Variants in IMPG2 observed in about 807,000 individuals in gnomAD.
IMPG2 encodes the protein IPM 200.
IMPG2 carries 91 observed loss-of-function variants against 129.2 expected under a neutral mutation model. The ratio of observed to expected loss-of-function variants is 0.70; its 90% CI spans 0.59 to 0.84. IMPG2 has a LOEUF of 0.84. IMPG2 is among the 40% of genes least tolerant of loss of function. The pLI is 0.00. For missense variants in IMPG2, 1,430 were observed against 1,461.7 expected (o/e 0.98, Z 0.35); for synonymous variants, 510 against 517.7 (o/e 0.99, Z 0.20).
At chr3:101,319,858 C>A in intron 1 of IMPG2, 26 bp from the exon 2 acceptor site, 1 of 1,604,864 alleles carries the variant, frequency 6.2e-7, no homozygotes, top group South Asian at 1.1e-5. Flanking sequence ...ATAGTCAAGT[C>A]TTCGATAATG....
chr3:101,256,158 AAAGAAAG>A, intron 10 of IMPG2, among the ~76,000 whole-genome samples: 1 of 128,690 alleles, frequency 7.8e-6, no homozygotes, highest in Non-Finnish European at 1.7e-5. Flanking sequence ...AGAAAGAAAG[AAAGAAAG>A]AAAGAAAGAA....
At chr3:101,265,495 T>A (rs1407100043) in intron 9 of IMPG2, among the ~76,000 whole-genome samples, 5 of 152,126 alleles carry the variant, frequency 3.3e-5, no homozygotes, top group Non-Finnish European at 5.9e-5. Flanking sequence ...GATATCCATA[T>A]GCAGAAGAAT....
chr3:101,230,807 C>A, intron 16 of IMPG2, 150 bp downstream of exon 16: 3 of 700,486 alleles, frequency 4.3e-6, no homozygotes, highest in East Asian at 5.4e-5. Context: ...ATTTGACACC[C>A]CTTTGAGGAC....
intron 4 of IMPG2, among the ~76,000 whole-genome samples, chr3:101,279,377 A>G (rs1185276529): frequency 6.6e-6 from 1 of 152,182 alleles, no homozygotes; most frequent in Non-Finnish European, 1.5e-5. Context: ...TATGTAAAAT[A>G]GGCCCACTGG....
At chr3:101,284,045 A>G (rs547413851) in intron 4 of IMPG2, among the ~76,000 whole-genome samples, 72 of 152,318 alleles carry the variant, frequency 4.7e-4, no homozygotes, top group Non-Finnish European at 7.9e-4. Context: ...GATTCGAGAT[A>G]TATTTTGAAT....
chr3:101,292,174 A>G (rs1162285053), intron 3 of IMPG2, among the ~76,000 whole-genome samples: 1 of 152,204 alleles, frequency 6.6e-6, no homozygotes, highest in African/African-American at 2.4e-5. Flanking sequence ...CCTCATCAGT[A>G]AAACAAAGAG....
At chr3:101,285,578 C>T (rs2107121605) in intron 4 of IMPG2, among the ~76,000 whole-genome samples, 1 of 152,252 alleles carries the variant, frequency 6.6e-6, no homozygotes, top group East Asian at 1.9e-4. Flanking sequence ...ATTGCATGGA[C>T]TCACAGCCAG....
Position 101,225,148 on chromosome 3 carries a change from A to T in IMPG2, c.*1821T>A, listed in dbSNP as rs1396046163. The T allele has an allele frequency of 6.6e-6, 1 of 152,272 alleles. No individual in the cohort carries two copies. The highest frequency in any genetic ancestry group is 1.5e-5 in the Non-Finnish European group (1 of 68,044). 9.4% of individuals were successfully genotyped at this position (152,272 alleles called of 1,614,324 possible). On this transcript the variant is annotated 3_prime_UTR_variant, in exon 19 of 19. Coordinates refer to ENST00000193391, the MANE Select transcript of IMPG2 (RefSeq NM_016247.4). Reference sequence around the variant, plus strand: ...CTTTGAAAGTTTTATAAATAAAACTAAGCACTTAGTAGTGACAAATATCAT... The same window carrying T: ...CTTTGAAAGTTTTATAAATAAAACTTAGCACTTAGTAGTGACAAATATCAT...
chr3:101,227,766 T>A (rs1706240363), intron 18 of IMPG2: 2 of 455,832 alleles, frequency 4.4e-6, no homozygotes, highest in Non-Finnish European at 8.8e-6. Flanking sequence ...GAGTTATCTC[T>A]ACCATGCACA....
At chr3:101,253,662 G>T (rs72930586) in intron 11 of IMPG2, 34 bp downstream of exon 11, 1 of 1,436,664 alleles carries the variant, frequency 7.0e-7, no homozygotes, top group Non-Finnish European at 9.8e-7. Context: ...AGAAGCTTGA[G>T]GGCCTGGTTC....
At chr3:101,267,934 G>A (rs72932472) in intron 8 of IMPG2, among the ~76,000 whole-genome samples, 7,301 of 152,198 alleles carry the variant, frequency 0.048, 608 homozygotes, top group African/African-American at 0.17. Flanking sequence ...ATAGGTAAAT[G>A]TCAGGACTGA....
rs773949753 is a variant in IMPG2, at chr3:101,243,796, T to C, written c.2535A>G (p.Ile845Met). 10 of 1,614,042 alleles carry C rather than the reference T, an allele frequency of 6.2e-6. No individual in the cohort carries two copies. The Admixed American group carries it at 1.7e-4, about 27-fold the overall frequency. Residue 845 changes from isoleucine (I) to methionine (M), a missense_variant, in exon 13 of 19, where the codon ATA (isoleucine) becomes ATG (methionine). Coordinates refer to ENST00000193391, the MANE Select transcript of IMPG2 (RefSeq NM_016247.4). ...VQDISLELDR[I>M]GTDYYQPEQV... The stretch of plus-strand genomic sequence containing the variant: ...GCTCAGGCTGATAGTAATCTGTGCC[T>C]ATCCGGTCCAGTTCTAACGAAATAT...
At chr3:101,232,673 T>G (rs1400825213) in intron 15 of IMPG2, 108 bp downstream of exon 15, 32 of 912,500 alleles carry the variant, frequency 3.5e-5, no homozygotes, top group Middle Eastern at 3.2e-4. Context: ...AGATATAACT[T>G]CTATAATGCA....
chr3:101,306,577 G>A (rs1484393924), intron 2 of IMPG2, among the ~76,000 whole-genome samples: 1 of 152,072 alleles, frequency 6.6e-6, no homozygotes, highest in Non-Finnish European at 1.5e-5. Flanking sequence ...CAATGCAAAG[G>A]TGAAAAGTCT....
rs1706217125 is a variant in IMPG2 at position 101,225,956 on chromosome 3, G to T, written c.*1013C>A. On this transcript the variant is annotated 3_prime_UTR_variant, in exon 19 of 19. Transcript: ENST00000193391. ...TAAGCAGGAGTTAATTTAGACAGGA[G>T]GTATTACACAAAGGAGAAGCAATGA... The T allele has an allele frequency of 1.9e-5, 3 of 154,384 alleles. No homozygotes were observed. Among genetic ancestry groups the T allele is most frequent in the African/African-American group, 7.2e-5 (3 of 41,398 alleles). 9.6% of individuals were successfully genotyped at this position (154,384 alleles called of 1,614,324 possible).
chr3:101,273,499 C>T, intron 7 of IMPG2, 82 bp downstream of exon 7: 3 of 1,447,270 alleles, frequency 2.1e-6, no homozygotes, highest in South Asian at 2.4e-5. Flanking sequence ...GAAACCTAAA[C>T]CTATCTTTAA....
chr3:101,302,193 T>C lies in IMPG2; in HGVS notation c.501+1953A>G, dbSNP rs150094464. Reference sequence around the variant, plus strand: ...TCTGCTTTTTCTATTAAATAATTATTGGAAGTATATTTTCTATGCCTTCAA... The same window carrying C: ...TCTGCTTTTTCTATTAAATAATTATCGGAAGTATATTTTCTATGCCTTCAA... On this transcript the variant is annotated intron_variant, in intron 3 of 18. Transcript: ENST00000193391. Among the ~76,000 whole-genome samples, 1,471 of 152,298 alleles carry C rather than the reference T, an allele frequency of 9.7e-3. 24 individuals carry two copies. The highest frequency in any genetic ancestry group is 0.034 in the African/African-American group (1,397 of 41,562).
intron 9 of IMPG2, 83 bp from the exon 10 acceptor site, chr3:101,257,856 T>C (rs1438184651): frequency 6.7e-7 from 1 of 1,487,944 alleles, no homozygotes; most frequent in African/African-American, 1.4e-5. Flanking sequence ...GAACAAACAT[T>C]GGACCTAGAG....
At chr3:101,244,916 C>T in intron 12 of IMPG2, 129 bp from the exon 13 acceptor site, 1 of 768,448 alleles carries the variant, frequency 1.3e-6, no homozygotes, top group South Asian at 1.6e-5. Context: ...TTTTGCTTTT[C>T]TATATCTAGC....
Sources: gnomAD v4.1 joint callset for allele counts (sites outside exome capture counted in the v4.1 genomes callset) on GRCh38, gnomAD v4.1.1 for gene constraint, MANE v1.5 for transcripts, NCBI Gene and HGNC (gene_info 2026-07-23, HGNC 2026-07-21) for gene names.